Variants in GPR50 observed in about 807,000 individuals in gnomAD.
GPR50 encodes the protein melatonin-related receptor.
Under a neutral mutation model 2.6 loss-of-function variants are expected in GPR50, and 1 was observed. That is an observed-to-expected ratio of 0.38 (90% confidence interval 0.13 to 1.79). The LOEUF (loss-of-function observed/expected upper bound fraction) is 1.79. GPR50 is among the 40% of genes most tolerant of loss of function. The pLI is 0.33. For missense variants in GPR50, 535 were observed against 522.1 expected (o/e 1.02, Z -0.24); for synonymous variants, 233 against 202.3 (o/e 1.15, Z -1.29).
rs1287873138 is a variant in GPR50, at chrX:151,180,744, G to A, written c.1161G>A (p.Lys387=). Residue 387 remains lysine (K), a synonymous_variant, in exon 2 of 2, where the codon AAG becomes AAA. Coordinates refer to ENST00000218316, the MANE Select transcript of GPR50 (RefSeq NM_004224.3). ...CCGACCGTGCCTCTGGCCACCCTAA[G>A]CCCCATTCCAGATCCTCCTCTGCCT... The part of the protein sequence containing the change: ...GHPDRASGHP[K]PHSRSSSAYR... 2.5e-6 allele frequency: 3 copies of A among 1,210,473 alleles called. No individual in the cohort carries two copies. Among genetic ancestry groups the A allele is most frequent in the Non-Finnish European group, 3.4e-6 (3 of 894,933 alleles).
chrX:151,182,429 C>T (rs1272254198), downstream of GPR50: 1 of 111,915 alleles, frequency 8.9e-6, no homozygotes, highest in Non-Finnish European at 1.9e-5. Context: ...TTATTGCTTT[C>T]ATTCAAAAGG....
At position 151,181,307 on chromosome X, in the gene GPR50, C is replaced by T. The variant is rs2048713643; in HGVS notation, c.1724C>T (p.Ala575Val). The T allele has an allele frequency of 5.0e-6, 6 of 1,210,903 alleles. No individual in the cohort carries two copies. Among genetic ancestry groups the T allele is most frequent in the Non-Finnish European group, 5.6e-6 (5 of 894,747 alleles). Residue 575 changes from alanine to valine, a missense_variant, in exon 2 of 2, where the codon GCT (alanine) becomes GTT (valine). Ala to Val is a moderately conservative substitution (Grantham distance 64, BLOSUM62 0). Coordinates refer to ENST00000218316, the MANE Select transcript of GPR50 (RefSeq NM_004224.3). Reference protein sequence around the residue: ...SSPAAGPTKPAASQLESDTIA... With the variant: ...SSPAAGPTKPVASQLESDTIA... ...CCTGCCGCTGGGCCCACCAAGCCTG[C>T]TGCCAGCCAGCTGGAGTCTGACACC... is the stretch of plus-strand genomic sequence containing the variant.
chrX:151,181,974 A>G (rs978248832), downstream of GPR50, among the ~76,000 whole-genome samples: 1 of 112,928 alleles, frequency 8.9e-6, no homozygotes, highest in African/African-American at 3.2e-5. Flanking sequence ...GTTGTGATCA[A>G]GTACAAGTAC....
Position 151,180,238 on chromosome X carries a change from C to G in GPR50, c.655C>G (p.Arg219Gly). Reference sequence around the variant, plus strand: ...GATCTGGACCAAAGTGCTGGCGGCCCGTGACCCTGCAGGGCAGAATCCTGA... The same window carrying G: ...GATCTGGACCAAAGTGCTGGCGGCCGGTGACCCTGCAGGGCAGAATCCTGA... ...VRIWTKVLAARDPAGQNPDNQ... is the reference protein window; with the variant it reads ...VRIWTKVLAAGDPAGQNPDNQ... The change falls in exon 2 of 2, where the codon CGT (arginine) becomes GGT (glycine). Residue 219 changes from arginine to glycine, a missense_variant. Transcript: ENST00000218316. 6 of 1,206,013 alleles carry G rather than the reference C, an allele frequency of 5.0e-6. No individual in the cohort carries two copies. Among genetic ancestry groups the G allele is most frequent in the Non-Finnish European group, 6.7e-6 (6 of 894,714 alleles).
In GPR50 at chrX:151,181,448, C is replaced by T. The variant is rs755938733; in HGVS notation, c.*11C>T. The T allele has an allele frequency of 7.0e-6, 8 of 1,144,570 alleles. No individual in the cohort carries two copies. Among genetic ancestry groups the T allele is most frequent in the African/African-American group, 1.8e-5 (1 of 56,226 alleles). The allele number at this position is 1,144,570 out of a possible 1,213,427, so 94.3% of individuals were successfully genotyped here. A position where few individuals can be genotyped will look rare whatever the true frequency, so the allele number is the denominator to read the frequency against. ...GAAATGGCTGTGTGAAAAATGCTCTCGTAGGTGGCCAGGCAGTGGTCCCCT... is the reference window on the plus strand; with the variant it reads ...GAAATGGCTGTGTGAAAAATGCTCTTGTAGGTGGCCAGGCAGTGGTCCCCT... On this transcript the variant is annotated 3_prime_UTR_variant, in exon 2 of 2. Coordinates refer to ENST00000218316, the MANE Select transcript of GPR50 (RefSeq NM_004224.3).
In GPR50 at chrX:151,176,784, A is replaced by G. The variant is rs2124114606; in HGVS notation, c.63A>G (p.Pro21=). The G allele has an allele frequency of 8.3e-7, 1 of 1,205,812 alleles. No homozygotes were observed. Among genetic ancestry groups the G allele is most frequent in the Non-Finnish European group, 1.1e-6 (1 of 890,696 alleles). ...GTATTGGCTGTAAGCTACCCCAGCC[A>G]GAATACCCACCGGCTCTAATCATCT... is the stretch of plus-strand genomic sequence containing the variant. ...YGCIGCKLPQ[P]EYPPALIIFM... is the part of the protein sequence containing the mutation. Residue 21 remains proline (P), a synonymous_variant, in exon 1 of 2, where the codon CCA becomes CCG. Transcript: ENST00000218316.
At chrX:151,179,222 C>T (rs1474087428) in intron 1 of GPR50, among the ~76,000 whole-genome samples, 2 of 110,400 alleles carry the variant, frequency 1.8e-5, no homozygotes, top group African/African-American at 3.3e-5. Flanking sequence ...TTGATCCCAT[C>T]GGAAAAGACT....
intron 1 of GPR50, among the ~76,000 whole-genome samples, chrX:151,178,970 G>C (rs1287236452): frequency 8.9e-6 from 1 of 112,330 alleles, no homozygotes; most frequent in Non-Finnish European, 1.9e-5. Context: ...GCCAGTGCGC[G>C]GCTCTGCGCG....
downstream of GPR50, among the ~76,000 whole-genome samples, chrX:151,181,784 CCTCATT>C (rs1158890862): frequency 3.6e-5 from 4 of 112,238 alleles, no homozygotes; most frequent in Non-Finnish European, 5.6e-5. Flanking sequence ...CCTCCCCTTT[CCTCATT>C]TCCTCTGCCT....
At position 151,176,822 on chromosome X, in the gene GPR50, C is replaced by T. The variant is rs372712912; in HGVS notation, c.101C>T (p.Ala34Val). The change falls in exon 1 of 2, where the codon GCG becomes GTG. Residue 34 changes from alanine (A) to valine (V), a missense_variant. Ala to Val is a moderately conservative substitution (Grantham distance 64). Transcript: ENST00000218316. The stretch of plus-strand genomic sequence containing the variant: ...GCTCTAATCATCTTTATGTTCTGCG[C>T]GATGGTTATCACCATCGTTGTAGAC... ...PPALIIFMFC[A>V]MVITIVVDLI... The T allele has an allele frequency of 1.3e-5, 16 of 1,201,199 alleles. No homozygotes were observed. Among genetic ancestry groups the T allele is most frequent in the African/African-American group, 5.3e-5 (3 of 56,717 alleles).
intron 1 of GPR50, chrX:151,177,970 C>T (rs1172360462): frequency 9.1e-6 from 1 of 109,301 alleles, no homozygotes; most frequent in East Asian, 2.9e-4. Flanking sequence ...CACTGCAGAG[C>T]AGCTAGTCCG....
chrX:151,180,610 C>G lies in GPR50; in HGVS notation c.1027C>G (p.Arg343Gly). Residue 343 changes from arginine (R) to glycine (G), a missense_variant, in exon 2 of 2, where the codon CGC (arginine) becomes GGC (glycine). By Grantham distance (125) the Arg-to-Gly change is moderately radical. Coordinates refer to ENST00000218316, the MANE Select transcript of GPR50 (RefSeq NM_004224.3). ...RTLARARAHA[R>G]DQAREQDRAH... ...CCTGGCCCGCGCCCGTGCCCATGCT[C>G]GCGACCAAGCTCGTGAACAAGACCG... 1 of 1,209,947 alleles carries G rather than the reference C, an allele frequency of 8.3e-7. No individual in the cohort carries two copies. The highest frequency in any genetic ancestry group is 2.3e-4 in the Middle Eastern group (1 of 4,347).
intron 1 of GPR50, among the ~76,000 whole-genome samples, chrX:151,179,346 ATTAT>A (rs1334274198): frequency 9.1e-6 from 1 of 109,621 alleles, no homozygotes; most frequent in African/African-American, 3.3e-5. Context: ...TCTTTTTCTA[ATTAT>A]TTAATTATTT....
downstream of GPR50, chrX:151,182,523 G>T (rs772060028): frequency 9.0e-6 from 1 of 111,599 alleles, no homozygotes; most frequent in Non-Finnish European, 1.9e-5. Flanking sequence ...GGATGGGGAG[G>T]GGGGCAAGGA....
At chrX:151,177,042 G>C in intron 1 of GPR50, 134 bp downstream of exon 1, 2 of 472,119 alleles carry the variant, frequency 4.2e-6, no homozygotes, top group South Asian at 7.2e-5. Context: ...CAAATTCCCC[G>C]CAAGCCTGGG....
intron 1 of GPR50, 48 bp from the exon 2 acceptor site, chrX:151,179,723 A>G: frequency 1.1e-6 from 1 of 903,671 alleles, no homozygotes; most frequent in Non-Finnish European, 1.5e-6. Flanking sequence ...TAAACCACTT[A>G]TTCTTCTCTG....
Position 151,181,361 on chromosome X carries a change from T to G in GPR50, c.1778T>G (p.Val593Gly). Residue 593 changes from valine to glycine, a missense_variant, in exon 2 of 2, where the codon GTC (valine) becomes GGC (glycine). Transcript: ENST00000218316. ...GCTGACCTTCCTGACCCTACTGTAG[T>G]CACTACCAGTACCAATGATTACCAT... ...TIADLPDPTV[V>G]TTSTNDYHDV... 1 of 1,194,029 alleles carries G rather than the reference T, an allele frequency of 8.4e-7. No homozygotes were observed. Among genetic ancestry groups the G allele is most frequent in the Non-Finnish European group, 1.1e-6 (1 of 880,588 alleles).
intron 1 of GPR50, 152 bp downstream of exon 1, chrX:151,177,060 G>A: frequency 8.9e-6 from 4 of 449,129 alleles, no homozygotes; most frequent in Non-Finnish European, 1.6e-5. Context: ...GGGGGTGGTA[G>A]TATTCTGTCC....
chrX:151,177,494 C>A (rs2048686940), intron 1 of GPR50: 1 of 112,475 alleles, frequency 8.9e-6, no homozygotes, highest in African/African-American at 3.2e-5. Flanking sequence ...CCCCCGCGCC[C>A]GAGAATCGAG....
Sources: gnomAD v4.1 joint callset for allele counts (sites outside exome capture counted in the v4.1 genomes callset) on GRCh38, gnomAD v4.1.1 for gene constraint, MANE v1.5 for transcripts, NCBI Gene and HGNC (gene_info 2026-07-23, HGNC 2026-07-21) for gene names.